The following VAPA variants were observed in gnomAD, a reference collection of about 807,000 sequenced individuals.
The protein encoded by VAPA is VAMP associated protein A, also known as vesicle-associated membrane protein-associated protein A.
VAPA carries 6 observed loss-of-function variants against 25.6 expected under a neutral mutation model. That is an observed-to-expected ratio of 0.23 (90% CI 0.13 to 0.46). VAPA has a LOEUF of 0.46. VAPA is among the 20% of genes least tolerant of loss of function. The probability of loss-of-function intolerance (pLI) is 0.99; values close to 1 mark genes in which losing one functional copy is unlikely to be tolerated. For missense variants in VAPA, 244 were observed against 302.1 expected (o/e 0.81, Z 1.43); for synonymous variants, 112 against 106.2 (o/e 1.05, Z -0.34).
intron 2 of VAPA, 106 bp downstream of exon 2, chr18:9,932,068 TTA>T (rs2143341472): frequency 1.2e-6 from 1 of 823,898 alleles, no homozygotes; most frequent in African/African-American, 1.7e-5. Context: ...AATTCTTATA[TTA>T]TTCTGGTTTT....
In VAPA at chr18:9,956,356, T is replaced by C. The variant is rs1265400640; in HGVS notation, c.*2145T>C. 2 of 152,260 alleles carry C rather than the reference T, an allele frequency of 1.3e-5. No individual in the cohort carries two copies. The highest frequency in any genetic ancestry group is 2.9e-5 in the Non-Finnish European group (2 of 68,046). 9.4% of individuals were successfully genotyped at this position (152,260 alleles called of 1,614,324 possible). A position where few individuals can be genotyped will look rare whatever the true frequency, so the allele number is the denominator to read the frequency against. ...TAACAAGTATATGTGAAATTTCTTA[T>C]TGTAAGACTACTACCGGCTTACTGT... On this transcript the variant is annotated 3_prime_UTR_variant, in exon 6 of 6. Coordinates refer to ENST00000400000, the MANE Select transcript of VAPA (RefSeq NM_194434.3).
chr18:9,957,064 CT>C lies in VAPA; in HGVS notation c.*2856del, dbSNP rs1458544208. The C allele has an allele frequency of 6.6e-6, 1 of 151,356 alleles. No homozygotes were observed. The highest frequency in any genetic ancestry group is 2.4e-5 in the African/African-American group (1 of 41,140). The allele number at this position is 151,356 out of a possible 1,614,324, so 9.4% of individuals were successfully genotyped here. ...TTTTTTTTTTTGAGACAGAGTCTTG[CT>C]TTGTTGCCCAGGCTGGAGGGCAGTG... is the stretch of plus-strand genomic sequence containing the variant. On this transcript the variant is annotated 3_prime_UTR_variant, in exon 6 of 6. Coordinates refer to ENST00000400000, the MANE Select transcript of VAPA (RefSeq NM_194434.3).
chr18:9,933,070 A>G (rs1401702186), intron 2 of VAPA, among the ~76,000 whole-genome samples: 1 of 151,850 alleles, frequency 6.6e-6, no homozygotes, highest in Non-Finnish European at 1.5e-5. Flanking sequence ...CTGCACGAGT[A>G]AGACTCCGTC....
intron 4 of VAPA, chr18:9,949,030 C>G (rs1415389200): frequency 6.6e-6 from 1 of 152,162 alleles, no homozygotes; most frequent in Non-Finnish European, 1.5e-5. Flanking sequence ...TGGATTTGTG[C>G]TAGGATAGAA....
rs767557726 is a variant in VAPA, at chr18:9,936,263, G to A, written c.336+50G>A. On this transcript the variant is annotated intron_variant, in intron 3 of 5. Transcript: ENST00000400000. ...TTGGGAAGTGGAGTTTAAACTGTGG[G>A]TGTTGTTTAGCAGTCAGTAGAAAAA... 11 of 1,250,714 alleles carry A rather than the reference G, an allele frequency of 8.8e-6. No individual in the cohort carries two copies. The African/African-American group carries it at 1.5e-4, about 17-fold the overall frequency. 77.5% of individuals were successfully genotyped at this position (1,250,714 alleles called of 1,614,324 possible).
At chr18:9,949,713 T>G (rs1283696731) in intron 4 of VAPA, 1 of 152,264 alleles carries the variant, frequency 6.6e-6, no homozygotes, top group Non-Finnish European at 1.5e-5. Context: ...GACAACGGGC[T>G]GAAGAATACA....
Position 9,955,745 on chromosome 18 carries a change from T to C in VAPA, c.*1534T>C, listed in dbSNP as rs2069542091. 6.6e-6 allele frequency: 1 copy of C among 152,196 alleles called. No homozygotes were observed. 9.4% of individuals were successfully genotyped at this position (152,196 alleles called of 1,614,324 possible). ...AATTTGTCAGATCACACATATATTG[T>C]GTTATTGGGCGCTGTGGTATCTTTT... is the stretch of plus-strand genomic sequence containing the variant. On this transcript the variant is annotated 3_prime_UTR_variant, in exon 6 of 6. Transcript: ENST00000400000.
chr18:9,937,326 A>C lies in VAPA; in HGVS notation c.417+260A>C, dbSNP rs141885222. On this transcript the variant is annotated intron_variant, in intron 4 of 5. Coordinates refer to ENST00000400000, the MANE Select transcript of VAPA (RefSeq NM_194434.3). Reference sequence around the variant, plus strand: ...GAGAAGAATCATTTAAGTCTACCAGATTTTTTGTGACGTAAACCACTGCAG... The same window carrying C: ...GAGAAGAATCATTTAAGTCTACCAGCTTTTTTGTGACGTAAACCACTGCAG... 3.0e-4 allele frequency among the ~76,000 whole-genome samples: 45 copies of C among 151,190 alleles called. 1 individual carries two copies. The East Asian group carries it at 8.4e-3, about 28-fold the overall frequency.
intron 4 of VAPA, among the ~76,000 whole-genome samples, chr18:9,946,431 A>G (rs2069424279): frequency 6.6e-6 from 1 of 151,890 alleles, no homozygotes; most frequent in African/African-American, 2.4e-5. Context: ...GCCCACCTCA[A>G]ATTCGTAAAC....
At chr18:9,937,853 C>A (rs1188083321) in intron 4 of VAPA, among the ~76,000 whole-genome samples, 1 of 152,022 alleles carries the variant, frequency 6.6e-6, no homozygotes, top group South Asian at 2.1e-4. Context: ...TGGCCATTTG[C>A]TCTATTGAAA....
chr18:9,934,573 CTT>C (rs954163917), intron 2 of VAPA, among the ~76,000 whole-genome samples: 1 of 152,186 alleles, frequency 6.6e-6, no homozygotes, highest in Non-Finnish European at 1.5e-5. Flanking sequence ...ATGAATAAGA[CTT>C]TATTACATAA....
In VAPA at chr18:9,955,720, A is replaced by C. The variant is rs578026293; in HGVS notation, c.*1509A>C. 2 of 152,276 alleles carry C rather than the reference A, an allele frequency of 1.3e-5. No individual in the cohort carries two copies. Among genetic ancestry groups the C allele is most frequent in the African/African-American group, 4.8e-5 (2 of 41,552 alleles). The allele number at this position is 152,276 out of a possible 1,614,324, so 9.4% of individuals were successfully genotyped here. On this transcript the variant is annotated 3_prime_UTR_variant, in exon 6 of 6. Transcript: ENST00000400000. ...GCCTTTTCATTTCAACTGTGTTTTG[A>C]ATTTGTCAGATCACACATATATTGT...
intron 1 of VAPA, 162 bp downstream of exon 1, chr18:9,914,497 C>T (rs1471900967): frequency 3.9e-6 from 2 of 513,254 alleles, no homozygotes; most frequent in South Asian, 3.8e-5. Context: ...GCCGCCACCT[C>T]GGCCGGCCTG....
chr18:9,943,860 TTTTTTTTTTTTTTTTTTTG>T (rs1325361778), intron 4 of VAPA, among the ~76,000 whole-genome samples: 2 of 103,918 alleles, frequency 1.9e-5, no homozygotes, highest in African/African-American at 8.2e-5. Context: ...TTTTTTTTTT[TTTTTTTTTTTTTTTTTTTG>T]AGACAGTGTC....
intron 5 of VAPA, among the ~76,000 whole-genome samples, chr18:9,953,388 C>G (rs771284613): frequency 6.6e-6 from 1 of 152,210 alleles, no homozygotes; most frequent in Admixed American, 6.5e-5. Context: ...GCTTTGCAGT[C>G]GAGACCTGGT....
chr18:9,954,503 T>C lies in VAPA; in HGVS notation c.*292T>C. On this transcript the variant is annotated 3_prime_UTR_variant, in exon 6 of 6. Coordinates refer to ENST00000400000, the MANE Select transcript of VAPA (RefSeq NM_194434.3). The stretch of plus-strand genomic sequence containing the variant: ...AAGAATTGTTCTTTCTTTGTGGTTT[T>C]AATAAGAGTTCAAGAATTGTTCAGA... 1 of 268,216 alleles carries C rather than the reference T, an allele frequency of 3.7e-6. No individual in the cohort carries two copies. The highest frequency in any genetic ancestry group is 7.9e-5 in the East Asian group (1 of 12,688). The allele number at this position is 268,216 out of a possible 1,614,324, so 16.6% of individuals were successfully genotyped here.
chr18:9,954,311 C>A lies in VAPA; in HGVS notation c.*100C>A. On this transcript the variant is annotated 3_prime_UTR_variant, in exon 6 of 6. Coordinates refer to ENST00000400000, the MANE Select transcript of VAPA (RefSeq NM_194434.3). Reference sequence around the variant, plus strand: ...CATTGGTAGTATGGCCCACGGTGACCATTTTTTTGTGTGTACAGCGTCATA... The same window carrying A: ...CATTGGTAGTATGGCCCACGGTGACAATTTTTTTGTGTGTACAGCGTCATA... 1 of 1,079,296 alleles carries A rather than the reference C, an allele frequency of 9.3e-7. No individual in the cohort carries two copies. Among genetic ancestry groups the A allele is most frequent in the Admixed American group, 2.3e-5 (1 of 43,612 alleles). 66.9% of individuals were successfully genotyped at this position (1,079,296 alleles called of 1,614,324 possible). A position where few individuals can be genotyped will look rare whatever the true frequency, so the allele number is the denominator to read the frequency against.
intron 4 of VAPA, among the ~76,000 whole-genome samples, chr18:9,938,587 G>A (rs1279009792): frequency 1.3e-5 from 2 of 152,210 alleles, no homozygotes; most frequent in African/African-American, 4.8e-5. Flanking sequence ...TCGAGCAGGA[G>A]TAGTTTGAGC....
chr18:9,922,364 C>G (rs1024827538), intron 1 of VAPA, among the ~76,000 whole-genome samples: 3 of 152,142 alleles, frequency 2.0e-5, no homozygotes, highest in Non-Finnish European at 4.4e-5. Context: ...AGGACATTTT[C>G]TTTGCATAAT....
Sources: gnomAD v4.1 joint callset for allele counts (sites outside exome capture counted in the v4.1 genomes callset) on GRCh38, gnomAD v4.1.1 for gene constraint, MANE v1.5 for transcripts, NCBI Gene and HGNC (gene_info 2026-07-23, HGNC 2026-07-21) for gene names.